Variants in RARS2 observed in about 807,000 individuals in gnomAD.
The protein encoded by RARS2 is arginyl-tRNA synthetase 2, mitochondrial, also known as probable arginine--tRNA ligase, mitochondrial.
Under a neutral mutation model 88.5 loss-of-function variants are expected in RARS2, and 67 were observed. The ratio of observed to expected loss-of-function variants is 0.76; its 90% CI spans 0.62 to 0.93. The LOEUF (loss-of-function observed/expected upper bound fraction) is 0.93. Ranked by LOEUF, RARS2 falls within the 40% of genes least tolerant of loss-of-function variation. The probability of loss-of-function intolerance (pLI) is 0.00; values close to 1 mark genes in which losing one functional copy is unlikely to be tolerated. For synonymous variants in RARS2, 239 were observed against 230.3 expected (o/e 1.04, Z -0.34); for missense variants, 664 against 684.2 (o/e 0.97, Z 0.33).
intron 1 of RARS2, chr6:87,589,666 G>A: frequency 1.3e-5 from 13 of 985,244 alleles, no homozygotes; most frequent in Non-Finnish European, 1.4e-5. Flanking sequence ...ATTCATAGCT[G>A]TGGGGTGGGA....
chr6:87,545,848 G>C (rs1782473733), intron 6 of RARS2, 149 bp from the exon 7 acceptor site: 4 of 916,594 alleles, frequency 4.4e-6, no homozygotes, highest in Non-Finnish European at 6.4e-6. Context: ...ATTCATCATT[G>C]TGTTTTCATG....
chr6:87,588,197 A>C (rs1775725895), intron 1 of RARS2, among the ~76,000 whole-genome samples: 1 of 152,152 alleles, frequency 6.6e-6, no homozygotes, highest in Non-Finnish European at 1.5e-5. Flanking sequence ...CACAGCTTAG[A>C]TACTAAGGTC....
At position 87,542,093 on chromosome 6, in the gene RARS2, A is replaced by G. The variant is rs879802002; in HGVS notation, c.536-99T>C. The G allele has an allele frequency of 7.9e-6, 7 of 880,802 alleles. No homozygotes were observed. The Admixed American group carries it at 1.1e-4, about 14-fold the overall frequency. The allele number at this position is 880,802 out of a possible 1,614,324, so 54.6% of individuals were successfully genotyped here. Reference sequence around the variant, plus strand: ...AATTCTATAAAAAGACCAACCTGTCATATTATGTATCCTGAGAAGTATTAC... The same window carrying G: ...AATTCTATAAAAAGACCAACCTGTCGTATTATGTATCCTGAGAAGTATTAC... On this transcript the variant is annotated intron_variant, in intron 7 of 19. Transcript: ENST00000369536.
chr6:87,551,298 T>C lies in RARS2; in HGVS notation c.396-2652A>G, dbSNP rs745992031. 1.4e-4 allele frequency among the ~76,000 whole-genome samples: 21 copies of C among 152,296 alleles called. 1 individual carries two copies. The South Asian group carries it at 1.4e-3, about 11-fold the overall frequency. On this transcript the variant is annotated intron_variant, in intron 5 of 19. Coordinates refer to ENST00000369536, the MANE Select transcript of RARS2 (RefSeq NM_020320.5). ...GGGACTTTTGTTAAATTACTTCATG[T>C]AATTTCCTTAATTTTTGTTAAGAAG...
rs527937747 is a variant in RARS2, at chr6:87,537,513, AT to A, written c.612+4404del. ...TAGTTACTTATTTCCTGGACAAACA[AT>A]ACATTTTATATTCCACAAATTATAT... On this transcript the variant is annotated intron_variant, in intron 8 of 19. Transcript: ENST00000369536. 4.3e-3 allele frequency among the ~76,000 whole-genome samples: 659 copies of A among 152,320 alleles called. 3 individuals are homozygous for A. The highest frequency in any genetic ancestry group is 0.015 in the African/African-American group (615 of 41,568).
chr6:87,530,915 C>A lies in RARS2; in HGVS notation c.640G>T (p.Ala214Ser), dbSNP rs763956821. The A allele has an allele frequency of 3.7e-6, 6 of 1,614,158 alleles. No individual in the cohort carries two copies. Among genetic ancestry groups the A allele is most frequent in the Non-Finnish European group, 5.1e-6 (6 of 1,180,016 alleles). ...GCTTTTGCTACACTTTTATCATCTGCTGCTTCTTTATTAACTTGTACATAA... is the reference window on the plus strand; with the variant it reads ...GCTTTTGCTACACTTTTATCATCTGATGCTTCTTTATTAACTTGTACATAA... ...EVYVQVNKEA[A>S]DDKSVAKAAQ... The change falls in exon 9 of 20, where the codon GCA (alanine) becomes TCA (serine). Residue 214 changes from alanine to serine, a missense_variant. Coordinates refer to ENST00000369536, the MANE Select transcript of RARS2 (RefSeq NM_020320.5).
At chr6:87,515,538 T>A (rs536520845) in intron 18 of RARS2, among the ~76,000 whole-genome samples, 1 of 151,642 alleles carries the variant, frequency 6.6e-6, no homozygotes, top group African/African-American at 2.4e-5. Context: ...AAAAAGATTA[T>A]GATTTCAATG....
chr6:87,527,582 C>T (rs1776160966), intron 10 of RARS2, among the ~76,000 whole-genome samples: 2 of 152,010 alleles, frequency 1.3e-5, no homozygotes, highest in Admixed American at 1.3e-4. Flanking sequence ...AAAGCTTCTG[C>T]ACAGCAAAGA....
At chr6:87,539,768 TA>T (rs1196513666) in intron 8 of RARS2, among the ~76,000 whole-genome samples, 1 of 152,142 alleles carries the variant, frequency 6.6e-6, no homozygotes, top group African/African-American at 2.4e-5. Flanking sequence ...CTGCAGAGAG[TA>T]AAAATGGCCT....
chr6:87,557,501 G>C (rs1226157889), intron 4 of RARS2, among the ~76,000 whole-genome samples: 1 of 152,196 alleles, frequency 6.6e-6, no homozygotes, highest in Non-Finnish European at 1.5e-5. Context: ...TAGTAAGTTA[G>C]AATTCTCTTT....
At chr6:87,571,411 G>A (rs1158736415) in intron 1 of RARS2, among the ~76,000 whole-genome samples, 1 of 152,132 alleles carries the variant, frequency 6.6e-6, no homozygotes, top group Non-Finnish European at 1.5e-5. Context: ...GTCTTTATTA[G>A]CAGTGTGAGA....
intron 2 of RARS2, among the ~76,000 whole-genome samples, chr6:87,564,902 A>G (rs957962139): frequency 4.0e-5 from 6 of 149,858 alleles, no homozygotes; most frequent in African/African-American, 1.5e-4. Flanking sequence ...TACTAAAAAT[A>G]CAAAAATTAG....
chr6:87,562,545 G>T (rs1291676676), intron 4 of RARS2, among the ~76,000 whole-genome samples, 157 bp downstream of exon 4: 1 of 152,172 alleles, frequency 6.6e-6, no homozygotes, highest in African/African-American at 2.4e-5. Context: ...GGATGAGTAG[G>T]TGTTAACTTG....
At position 87,547,112 on chromosome 6, in the gene RARS2, G is replaced by C. The variant is rs192993326; in HGVS notation, c.452-1413C>G. Among the ~76,000 whole-genome samples, 4 of 152,246 alleles carry C rather than the reference G, an allele frequency of 2.6e-5. No individual in the cohort carries two copies. In the East Asian group the frequency reaches 7.7e-4, roughly 29 times the overall value. On this transcript the variant is annotated intron_variant, in intron 6 of 19. Transcript: ENST00000369536. ...AAACTGGGCTGTTATAAAATTGAAT[G>C]ATATAATACATGAAGACACAGCATG...
intron 18 of RARS2, among the ~76,000 whole-genome samples, chr6:87,516,537 A>G (rs1771802659): frequency 6.6e-6 from 1 of 152,162 alleles, no homozygotes; most frequent in Non-Finnish European, 1.5e-5. Context: ...TTGCCCTAAC[A>G]CCATCTCTTA....
chr6:87,563,785 T>A (rs1046813787), intron 3 of RARS2, among the ~76,000 whole-genome samples: 2 of 152,212 alleles, frequency 1.3e-5, no homozygotes, highest in African/African-American at 4.8e-5. Flanking sequence ...TTTCAGAAAC[T>A]CATTTTAAAA....
At chr6:87,544,406 C>G (rs747584356) in intron 7 of RARS2, among the ~76,000 whole-genome samples, 7 of 152,168 alleles carry the variant, frequency 4.6e-5, no homozygotes, top group Non-Finnish European at 8.8e-5. Flanking sequence ...GTTAAGTCCA[C>G]GCCTTCAAGG....
chr6:87,562,877 C>A, intron 3 of RARS2, 92 bp from the exon 4 acceptor site: 1 of 927,202 alleles, frequency 1.1e-6, no homozygotes, highest in East Asian at 2.4e-5. Context: ...TACAAAGACA[C>A]AAGTAAGTCA....
chr6:87,553,468 T>C (rs1011290314), intron 5 of RARS2, among the ~76,000 whole-genome samples: 1 of 152,218 alleles, frequency 6.6e-6, no homozygotes, highest in African/African-American at 2.4e-5. Context: ...TAATAGGCTT[T>C]TGGGCCATCT....
Sources: gnomAD v4.1 joint callset for allele counts (sites outside exome capture counted in the v4.1 genomes callset) on GRCh38, gnomAD v4.1.1 for gene constraint, MANE v1.5 for transcripts, NCBI Gene and HGNC (gene_info 2026-07-23, HGNC 2026-07-21) for gene names.